The following ARHGAP29 variants were observed in gnomAD, a reference collection of about 807,000 sequenced individuals.
ARHGAP29 encodes Rho GTPase activating protein 29.
Under a neutral mutation model 122.6 loss-of-function variants are expected in ARHGAP29, and 43 were observed. The observed-to-expected ratio is 0.35, with a 90% confidence interval of 0.27 to 0.45. ARHGAP29 has a LOEUF of 0.45. ARHGAP29 is among the 20% of genes least tolerant of loss of function. ARHGAP29 has a pLI of 1.00. For missense variants in ARHGAP29, 1,303 were observed against 1,477.2 expected (o/e 0.88, Z 1.93); for synonymous variants, 506 against 497.1 (o/e 1.02, Z -0.24).
chr1:94,170,056 T>C lies in ARHGAP29; in HGVS notation c.*3813A>G, dbSNP rs919872765. On this transcript the variant is annotated 3_prime_UTR_variant, in exon 23 of 23. Coordinates refer to ENST00000260526, the MANE Select transcript of ARHGAP29 (RefSeq NM_004815.4). ...CGGACTCACCATTTGACAACCAAAATAGTAATTGGTTCAGTCAAGAATTGT... is the reference window on the plus strand; with the variant it reads ...CGGACTCACCATTTGACAACCAAAACAGTAATTGGTTCAGTCAAGAATTGT... Among the ~76,000 whole-genome samples, 4 of 152,196 alleles carry C rather than the reference T, an allele frequency of 2.6e-5. No individual in the cohort carries two copies. The highest frequency in any genetic ancestry group is 5.9e-5 in the Non-Finnish European group (4 of 68,030).
chr1:94,205,811 A>C (rs1651153570), intron 5 of ARHGAP29, 128 bp from the exon 6 acceptor site: 1 of 733,324 alleles, frequency 1.4e-6, no homozygotes, highest in Non-Finnish European at 2.3e-6. Flanking sequence ...TTAAAACTTA[A>C]AGGCCTTAGA....
upstream of ARHGAP29, among the ~76,000 whole-genome samples, chr1:94,240,696 A>G (rs1009167079): frequency 6.6e-6 from 1 of 152,198 alleles, no homozygotes; most frequent in African/African-American, 2.4e-5. Context: ...TATTGCCTCT[A>G]GTATTTTTTC....
At chr1:94,286,935 C>T in the ARHGAP29 span, among the ~76,000 whole-genome samples, 1 of 152,152 alleles carries the variant, frequency 6.6e-6, no homozygotes, top group Non-Finnish European at 1.5e-5. Flanking sequence ...TCAATTCCAA[C>T]ACTATCAACC....
intron 1 of ARHGAP29, among the ~76,000 whole-genome samples, chr1:94,260,469 A>T (rs1654517811): frequency 6.6e-6 from 1 of 152,162 alleles, no homozygotes; most frequent in South Asian, 2.1e-4. Context: ...GATTCAATCA[A>T]ATTTGGGTAT....
chr1:94,302,617 G>A, the ARHGAP29 span: 1 of 417,260 alleles, frequency 2.4e-6, no homozygotes, highest in Non-Finnish European at 4.8e-6. Context: ...ATGGCCATGG[G>A]GCTCTCCATT....
intron 1 of ARHGAP29, among the ~76,000 whole-genome samples, chr1:94,271,582 T>G (rs1654996338): frequency 6.6e-6 from 1 of 152,184 alleles, no homozygotes; most frequent in Non-Finnish European, 1.5e-5. Context: ...CAGTGGCCCA[T>G]TAAAACATTG....
At chr1:94,221,584 T>G (rs1165387648) in intron 2 of ARHGAP29, among the ~76,000 whole-genome samples, 1 of 150,534 alleles carries the variant, frequency 6.6e-6, no homozygotes, top group African/African-American at 2.4e-5. Context: ...CATTTCTGTA[T>G]GACTACATAT....
upstream of ARHGAP29, among the ~76,000 whole-genome samples, chr1:94,240,485 T>C (rs1326683662): frequency 2.6e-5 from 4 of 152,188 alleles, no homozygotes; most frequent in Non-Finnish European, 5.9e-5. Flanking sequence ...AGCACATTAA[T>C]AGATGCAATA....
At chr1:94,271,589 A>G (rs1413892969) in intron 1 of ARHGAP29, among the ~76,000 whole-genome samples, 3 of 152,210 alleles carry the variant, frequency 2.0e-5, no homozygotes, top group Non-Finnish European at 4.4e-5. Flanking sequence ...CCATTAAAAC[A>G]TTGGAATGGC....
At chr1:94,208,459 A>G (rs1651359258) in intron 5 of ARHGAP29, among the ~76,000 whole-genome samples, 1 of 151,104 alleles carries the variant, frequency 6.6e-6, no homozygotes, top group Admixed American at 6.6e-5. Context: ...TTTCATAGCA[A>G]TTTTTCTTTT....
chr1:94,303,227 CA>C, the ARHGAP29 span, among the ~76,000 whole-genome samples: 37 of 148,866 alleles, frequency 2.5e-4, no homozygotes, highest in African/African-American at 8.1e-4. Context: ...TGTACCCAGC[CA>C]AAAAAAAAGG....
intron 10 of ARHGAP29, 71 bp from the exon 11 acceptor site, chr1:94,202,803 A>T: frequency 6.4e-7 from 1 of 1,558,460 alleles, no homozygotes; most frequent in Non-Finnish European, 8.7e-7. Flanking sequence ...TAGCATATTC[A>T]GCAAGATAGT....
intron 12 of ARHGAP29, chr1:94,191,509 TTC>T (rs2101443757): frequency 6.6e-6 from 1 of 152,302 alleles, no homozygotes; most frequent in African/African-American, 2.4e-5. Flanking sequence ...GTGCCCTAAC[TTC>T]TTCAAGAAAC....
chr1:94,258,724 T>C (rs1654454090), intron 1 of ARHGAP29, among the ~76,000 whole-genome samples: 1 of 152,254 alleles, frequency 6.6e-6, no homozygotes, highest in Non-Finnish European at 1.5e-5. Context: ...TTACATAGAT[T>C]ATCTTATTTA....
intron 5 of ARHGAP29, among the ~76,000 whole-genome samples, chr1:94,208,172 A>T (rs867026025): frequency 6.6e-6 from 1 of 152,086 alleles, no homozygotes; most frequent in Non-Finnish European, 1.5e-5. Flanking sequence ...AATCATGTTA[A>T]CCAGGATGGT....
At chr1:94,264,172 G>T (rs186997833) in intron 1 of ARHGAP29, among the ~76,000 whole-genome samples, 1 of 152,324 alleles carries the variant, frequency 6.6e-6, no homozygotes, top group Admixed American at 6.5e-5. Context: ...GCTGTAGTGA[G>T]ATGGCGGTAG....
At chr1:94,271,884 A>G (rs1178365725) in intron 1 of ARHGAP29, among the ~76,000 whole-genome samples, 1 of 152,202 alleles carries the variant, frequency 6.6e-6, no homozygotes, top group African/African-American at 2.4e-5. Flanking sequence ...TGCAGCTTCT[A>G]CCTGCACACT....
At chr1:94,189,589 T>C (rs903810829) in intron 13 of ARHGAP29, among the ~76,000 whole-genome samples, 8 of 152,120 alleles carry the variant, frequency 5.3e-5, no homozygotes, top group Admixed American at 5.2e-4. Context: ...GTATAGTTAA[T>C]TCATGTCATG....
At chr1:94,189,432 A>G (rs1650004040) in intron 13 of ARHGAP29, 80 bp from the exon 14 acceptor site, 3 of 1,396,508 alleles carry the variant, frequency 2.1e-6, no homozygotes, top group East Asian at 5.0e-5. Flanking sequence ...TATGTTTAGA[A>G]AAATCTATTA....
Sources: gnomAD v4.1 joint callset for allele counts (sites outside exome capture counted in the v4.1 genomes callset) on GRCh38, gnomAD v4.1.1 for gene constraint, MANE v1.5 for transcripts, NCBI Gene and HGNC (gene_info 2026-07-23, HGNC 2026-07-21) for gene names.